The following UNC79 variants were observed in gnomAD, a reference collection of about 807,000 sequenced individuals.
The protein encoded by UNC79 is unc-79 subunit of NALCN channel complex.
In UNC79, 37 loss-of-function variants were observed where a neutral mutation model predicts 283.1. The ratio of observed to expected loss-of-function variants is 0.13; its 90% CI spans 0.10 to 0.17. UNC79 has a LOEUF of 0.17. Among genes scored for constraint, UNC79 ranks in the 10% least tolerant of loss-of-function variants. The pLI, the probability that UNC79 is intolerant of heterozygous loss-of-function variation, is 1.00. For synonymous variants in UNC79, 1,107 were observed against 1,200.2 expected, an observed-to-expected ratio of 0.92 and a Z score of 1.61; for missense variants, 2,272 against 3,211.1, an observed-to-expected ratio of 0.71 and a Z score of 7.07.
chr14:93,467,922 T>G, intron 2 of UNC79, 131 bp downstream of exon 2: 1 of 1,163,206 alleles, frequency 8.6e-7, no homozygotes, highest in Non-Finnish European at 1.1e-6. Flanking sequence ...CAGAAGAGTC[T>G]GTGCTCAAGT....
intron 25 of UNC79, among the ~76,000 whole-genome samples, chr14:93,601,162 T>C (rs1360297842): frequency 6.6e-6 from 1 of 152,184 alleles, no homozygotes; most frequent in Non-Finnish European, 1.5e-5. Context: ...ATGGATAAGT[T>C]CTTTAGTGGT....
chr14:93,479,940 C>T (rs2058039169), intron 4 of UNC79, among the ~76,000 whole-genome samples: 1 of 152,172 alleles, frequency 6.6e-6, no homozygotes, highest in African/African-American at 2.4e-5. Flanking sequence ...CTGTAGCTTT[C>T]TAACAATTAA....
intron 1 of UNC79, among the ~76,000 whole-genome samples, chr14:93,334,030 C>T (rs555244811): frequency 2.0e-5 from 3 of 152,344 alleles, no homozygotes; most frequent in African/African-American, 7.2e-5. Flanking sequence ...TCAATCTCTA[C>T]CCATTGTTTA....
chr14:93,399,107 T>C (rs1444609509), intron 1 of UNC79, among the ~76,000 whole-genome samples: 2 of 152,090 alleles, frequency 1.3e-5, no homozygotes, highest in African/African-American at 4.8e-5. Context: ...GGAGGAACTG[T>C]CAAACACTTA....
chr14:93,394,253 C>T (rs1595424753), intron 1 of UNC79, among the ~76,000 whole-genome samples: 1 of 152,128 alleles, frequency 6.6e-6, no homozygotes, highest in East Asian at 1.9e-4. Flanking sequence ...TAACATTATT[C>T]AGTTTTTCAT....
intron 38 of UNC79, among the ~76,000 whole-genome samples, chr14:93,658,888 A>G (rs899511434): frequency 6.6e-6 from 1 of 152,094 alleles, no homozygotes; most frequent in African/African-American, 2.4e-5. Flanking sequence ...CCATCCACCC[A>G]TCCATCCACC....
At chr14:93,521,046 C>T (rs565004256) in intron 7 of UNC79, among the ~76,000 whole-genome samples, 9 of 152,112 alleles carry the variant, frequency 5.9e-5, no homozygotes, top group Admixed American at 4.6e-4. Flanking sequence ...TTTGTTTTGG[C>T]AATCAAGCTA....
At chr14:93,574,690 G>A (rs1009338007) in intron 16 of UNC79, among the ~76,000 whole-genome samples, 2 of 152,120 alleles carry the variant, frequency 1.3e-5, no homozygotes, top group Admixed American at 1.3e-4. Context: ...CAGCAGGATC[G>A]GATGGGTCAT....
exon 16 of UNC79, chr14:93,572,780 C>G: frequency 6.2e-7 from 1 of 1,614,136 alleles, no homozygotes; most frequent in Non-Finnish European, 8.5e-7. Context: ...CAGGATACCC[C>G]TCCTCTGTGC....
chr14:93,495,668 A>G (rs1264848328), intron 5 of UNC79, among the ~76,000 whole-genome samples: 1 of 152,226 alleles, frequency 6.6e-6, no homozygotes, highest in East Asian at 1.9e-4. Flanking sequence ...AAAGTCAAGT[A>G]AGATGAGGAC....
intron 39 of UNC79, among the ~76,000 whole-genome samples, chr14:93,660,419 G>T (rs2071411141): frequency 6.6e-6 from 1 of 150,638 alleles, no homozygotes; most frequent in African/African-American, 2.4e-5. Context: ...TTCCATATAG[G>T]CTTGAATTCA....
chr14:93,475,061 G>A (rs979391828), intron 3 of UNC79, among the ~76,000 whole-genome samples: 1 of 152,152 alleles, frequency 6.6e-6, no homozygotes, highest in African/African-American at 2.4e-5. Context: ...AAGTCTAAGA[G>A]CCTGCTTCTT....
intron 1 of UNC79, among the ~76,000 whole-genome samples, chr14:93,444,327 A>G (rs953947630): frequency 6.6e-6 from 1 of 152,058 alleles, no homozygotes; most frequent in Non-Finnish European, 1.5e-5. Flanking sequence ...GGTTCTTTAT[A>G]TATTCTGAAT....
intron 47 of UNC79, among the ~76,000 whole-genome samples, chr14:93,697,058 T>C (rs530792778): frequency 1.3e-5 from 2 of 152,240 alleles, no homozygotes; most frequent in Non-Finnish European, 2.9e-5. Context: ...TTTGCACTTT[T>C]GTCAAAAATC....
intron 1 of UNC79, among the ~76,000 whole-genome samples, chr14:93,407,844 C>T (rs1026402172): frequency 5.3e-5 from 8 of 152,094 alleles, no homozygotes; most frequent in East Asian, 3.9e-4. Flanking sequence ...AGATGAAAGA[C>T]GCAGACGATT....
At chr14:93,356,627 C>T (rs1029871472) in intron 1 of UNC79, among the ~76,000 whole-genome samples, 2 of 152,148 alleles carry the variant, frequency 1.3e-5, no homozygotes, top group African/African-American at 2.4e-5. Flanking sequence ...TTCTACTTGT[C>T]TAGTAGATGA....
chr14:93,643,012 C>T (rs1406002351), intron 33 of UNC79, among the ~76,000 whole-genome samples: 2 of 152,166 alleles, frequency 1.3e-5, no homozygotes, highest in Non-Finnish European at 2.9e-5. Context: ...CTGGTGAGTT[C>T]ATAAAACTCA....
At chr14:93,446,458 C>T (rs918586264) in intron 1 of UNC79, among the ~76,000 whole-genome samples, 20 of 150,318 alleles carry the variant, frequency 1.3e-4, no homozygotes, top group South Asian at 6.3e-4. Context: ...TGCAGTGGCA[C>T]GATCTTAGCT....
chr14:93,501,504 A>G (rs943537836), intron 7 of UNC79, among the ~76,000 whole-genome samples: 7 of 152,162 alleles, frequency 4.6e-5, no homozygotes, highest in African/African-American at 1.4e-4. Context: ...CTTGGCCAAC[A>G]TGGTGAAACC....
Sources: gnomAD v4.1 joint callset for allele counts (sites outside exome capture counted in the v4.1 genomes callset) on GRCh38, gnomAD v4.1.1 for gene constraint, MANE v1.5 for transcripts, NCBI Gene and HGNC (gene_info 2026-07-23, HGNC 2026-07-21) for gene names.